The following FBXO34 variants were observed in gnomAD, a reference collection of about 807,000 sequenced individuals.
FBXO34 encodes F-box only protein 34.
In FBXO34, 12 loss-of-function variants were observed where a neutral mutation model predicts 24.5. That is an observed-to-expected ratio of 0.49 (90% CI 0.31 to 0.79). FBXO34 has a LOEUF of 0.79. Ranked by LOEUF, FBXO34 falls within the 30% of genes least tolerant of loss-of-function variation. The probability of loss-of-function intolerance (pLI) is 0.04; values close to 1 mark genes in which losing one functional copy is unlikely to be tolerated. For synonymous variants in FBXO34, 320 were observed against 311.9 expected (o/e 1.03, Z -0.27); for missense variants, 823 against 857.7 (o/e 0.96, Z 0.51).
At chr14:55,336,074 TA>T (rs1299612385) in intron 1 of FBXO34, among the ~76,000 whole-genome samples, 1 of 152,068 alleles carries the variant, frequency 6.6e-6, no homozygotes, top group African/African-American at 2.4e-5. Flanking sequence ...TAAGTGCACT[TA>T]TACAAGGCAG....
At chr14:55,409,415 G>A in the FBXO34 span, among the ~76,000 whole-genome samples, 2 of 152,174 alleles carry the variant, frequency 1.3e-5, no homozygotes, top group East Asian at 3.8e-4. Flanking sequence ...TCACTGGGGT[G>A]GGGGCAGTTA....
At chr14:55,282,285 G>T (rs1881577945) in intron 1 of FBXO34, 3 of 418,358 alleles carry the variant, frequency 7.2e-6, no homozygotes. Flanking sequence ...GAGCCACCGC[G>T]CCCCGCCAAA....
chr14:55,300,244 G>T (rs1418579784), intron 1 of FBXO34, among the ~76,000 whole-genome samples: 6 of 152,034 alleles, frequency 3.9e-5, no homozygotes, highest in Non-Finnish European at 7.4e-5. Flanking sequence ...CCATTTTTAG[G>T]CTTTAGTCTA....
rs1351050999 is a variant in FBXO34, at chr14:55,323,210, A to ATATATATAT, written c.-10-27171_-10-27170insTATATATAT. ...AAAAAAAAAAAAAAAAAAAAAAAAA[A>ATATATATAT]AAAAAAAAATATATATTTTTTTTTT... On this transcript the variant is annotated intron_variant, in intron 1 of 1. Coordinates refer to ENST00000313833, the MANE Select transcript of FBXO34 (RefSeq NM_017943.4). Among the ~76,000 whole-genome samples, 7 of 33,032 alleles carry ATATATATAT rather than the reference A, an allele frequency of 2.1e-4. No individual in the cohort carries two copies. The African/African-American group carries it at 2.4e-3, about 11-fold the overall frequency. 21.7% of individuals were successfully genotyped at this position (33,032 alleles called of 152,430 possible).
chr14:55,394,198 G>T, the FBXO34 span, among the ~76,000 whole-genome samples: 1 of 146,106 alleles, frequency 6.8e-6, no homozygotes, highest in South Asian at 2.1e-4. Flanking sequence ...GTACAGATGG[G>T]GTTTCACCAT....
the FBXO34 span, among the ~76,000 whole-genome samples, chr14:55,423,219 A>C: frequency 6.6e-6 from 1 of 152,224 alleles, no homozygotes; most frequent in Non-Finnish European, 1.5e-5. Context: ...TATACAGTTA[A>C]AGTTTTCTTT....
chr14:55,311,965 G>A (rs1318513194), intron 1 of FBXO34, among the ~76,000 whole-genome samples: 1 of 152,130 alleles, frequency 6.6e-6, no homozygotes, highest in African/African-American at 2.4e-5. Flanking sequence ...ACTTTGGGAG[G>A]CTGAGGCAGG....
At chr14:55,332,350 A>G (rs1594756605) in intron 1 of FBXO34, among the ~76,000 whole-genome samples, 2 of 152,186 alleles carry the variant, frequency 1.3e-5, no homozygotes, top group African/African-American at 2.4e-5. Flanking sequence ...AATTATGGCA[A>G]ATGTTACTGT....
At chr14:55,348,200 GTTGGTTGGGTTTGT>G (rs1255995431) in intron 1 of FBXO34, among the ~76,000 whole-genome samples, 2 of 152,118 alleles carry the variant, frequency 1.3e-5, no homozygotes, top group Admixed American at 1.3e-4. Flanking sequence ...TGTTTGGTTG[GTTGGTTGGGTTTGT>G]TTGGTTGGGT....
At chr14:55,319,826 C>A (rs780415148) in intron 1 of FBXO34, among the ~76,000 whole-genome samples, 1 of 152,270 alleles carries the variant, frequency 6.6e-6, no homozygotes, top group Admixed American at 6.5e-5. Flanking sequence ...TGGGTGCCCG[C>A]CACCACGCCC....
chr14:55,318,564 A>C (rs1314852391), intron 1 of FBXO34, among the ~76,000 whole-genome samples: 4 of 146,464 alleles, frequency 2.7e-5, no homozygotes, highest in African/African-American at 1.0e-4. Context: ...GGGTCTTGCT[A>C]TGTTACCCAG....
At chr14:55,353,856 A>G (rs767167660), downstream of FBXO34, among the ~76,000 whole-genome samples, 2 of 152,002 alleles carry the variant, frequency 1.3e-5, no homozygotes, top group Non-Finnish European at 2.9e-5. Context: ...TATCTAGGAG[A>G]TTCTTACAGC....
intron 1 of FBXO34, among the ~76,000 whole-genome samples, chr14:55,307,629 G>A (rs1486448227): frequency 2.0e-5 from 3 of 152,214 alleles, no homozygotes; most frequent in African/African-American, 7.2e-5. Flanking sequence ...GTTGCTGAGA[G>A]ATAACCTACT....
the FBXO34 span, among the ~76,000 whole-genome samples, chr14:55,430,456 G>C: frequency 6.6e-6 from 1 of 150,770 alleles, no homozygotes; most frequent in Non-Finnish European, 1.5e-5. Flanking sequence ...ACCCAGGCTG[G>C]AGTGCAGTGG....
At chr14:55,341,827 C>CT (rs960538126) in intron 1 of FBXO34, among the ~76,000 whole-genome samples, 1 of 152,142 alleles carries the variant, frequency 6.6e-6, no homozygotes, top group Non-Finnish European at 1.5e-5. Flanking sequence ...TACGGATTAA[C>CT]TTAAACATCA....
At chr14:55,387,509 T>C in the FBXO34 span, among the ~76,000 whole-genome samples, 3 of 152,174 alleles carry the variant, frequency 2.0e-5, no homozygotes, top group Non-Finnish European at 4.4e-5. Flanking sequence ...TGATGGCGCA[T>C]AGCTCTTGGT....
the FBXO34 span, chr14:55,377,690 T>C: frequency 1.8e-6 from 1 of 558,070 alleles, no homozygotes; most frequent in Non-Finnish European, 3.1e-6. Flanking sequence ...CTTTCTGTAT[T>C]GGACTCCACT....
the FBXO34 span, among the ~76,000 whole-genome samples, chr14:55,393,257 C>A: frequency 6.6e-6 from 1 of 151,864 alleles, no homozygotes; most frequent in African/African-American, 2.4e-5. Flanking sequence ...TGGTGGTGGG[C>A]GCCTGTAGTC....
chr14:55,439,821 C>T, the FBXO34 span, among the ~76,000 whole-genome samples: 1 of 150,752 alleles, frequency 6.6e-6, no homozygotes, highest in Non-Finnish European at 1.5e-5. Flanking sequence ...GTCCCAGCTA[C>T]TCGGGAGGCT....
Sources: allele counts gnomAD v4.1 joint callset (sites outside exome capture counted in the v4.1 genomes callset), GRCh38; gene constraint gnomAD v4.1.1; transcripts MANE v1.5; gene names NCBI Gene and HGNC (gene_info 2026-07-23, HGNC 2026-07-21).